HSD17B4: variants seen among roughly 807,000 people sequenced by gnomAD.
The protein encoded by HSD17B4 is hydroxysteroid 17-beta dehydrogenase 4, also known as peroxisomal multifunctional enzyme type 2.
HSD17B4 carries 70 observed loss-of-function variants against 101.0 expected under a neutral mutation model. That is an observed-to-expected ratio of 0.69 (90% confidence interval 0.57 to 0.85). The LOEUF is 0.85. HSD17B4 is among the 40% of genes least tolerant of loss of function. The pLI is 0.00. For missense variants in HSD17B4, 984 were observed against 892.4 expected (o/e 1.10, Z -1.31); for synonymous variants, 347 against 297.1 (o/e 1.17, Z -1.73).
rs138082120 is a variant in HSD17B4, at chr5:119,521,398, G to A, written c.1504-3818G>A. Among the ~76,000 whole-genome samples the A allele has an allele frequency of 3.9e-3, 588 of 152,120 alleles. 1 individual carries two copies. Among genetic ancestry groups the A allele is most frequent in the African/African-American group, 0.014 (561 of 41,518 alleles). On this transcript the variant is annotated intron_variant, in intron 17 of 23. Coordinates refer to ENST00000510025, the MANE Select transcript of HSD17B4 (RefSeq NM_000414.4). ...TCAGTCTTCCTTATATACCTGGTGG[G>A]CCTTTTTAATATGTATATTCATGTC...
chr5:119,453,387 G>A (rs1754277989), intron 1 of HSD17B4, among the ~76,000 whole-genome samples: 1 of 152,206 alleles, frequency 6.6e-6, no homozygotes, highest in South Asian at 2.1e-4. Context: ...CGGCAAAATG[G>A]AAAATTGTTA....
At chr5:119,523,233 A>G (rs1485930579) in intron 17 of HSD17B4, among the ~76,000 whole-genome samples, 2 of 152,148 alleles carry the variant, frequency 1.3e-5, no homozygotes, top group East Asian at 3.8e-4. Flanking sequence ...ATTTTAAAAA[A>G]TCAAATTAAG....
intron 2 of HSD17B4, among the ~76,000 whole-genome samples, chr5:119,465,756 G>C (rs1755744856): frequency 6.6e-6 from 1 of 152,296 alleles, no homozygotes; most frequent in South Asian, 2.1e-4. Flanking sequence ...ATGTAGGATT[G>C]TGTCATCTGT....
intron 16 of HSD17B4, among the ~76,000 whole-genome samples, chr5:119,514,218 T>TG (rs1752415706): frequency 6.6e-6 from 1 of 152,196 alleles, no homozygotes; most frequent in South Asian, 2.1e-4. Flanking sequence ...TTTTTATGTT[T>TG]TGGGTGTGGC....
intron 4 of HSD17B4, 98 bp from the exon 5 acceptor site, chr5:119,475,608 G>T: frequency 1.1e-6 from 1 of 936,910 alleles, no homozygotes; most frequent in Non-Finnish European, 1.7e-6. Context: ...ACTTTTTCAT[G>T]GTTAAAAAAC....
chr5:119,515,167 A>G (rs1167235466), intron 17 of HSD17B4, 121 bp downstream of exon 17: 1 of 674,914 alleles, frequency 1.5e-6, no homozygotes, highest in Non-Finnish European at 2.7e-6. Context: ...TTATTATTCA[A>G]CATAATAAAC....
chr5:119,497,842 G>A lies in HSD17B4; in HGVS notation c.972+1196G>A, dbSNP rs144100800. Among the ~76,000 whole-genome samples the A allele has an allele frequency of 3.5e-3, 537 of 152,068 alleles. 3 individuals are homozygous for A. The highest frequency in any genetic ancestry group is 0.012 in the African/African-American group (499 of 41,468). On this transcript the variant is annotated intron_variant, in intron 12 of 23. Coordinates refer to ENST00000510025, the MANE Select transcript of HSD17B4 (RefSeq NM_000414.4). ...TCTTTTTCAGTACCATTAGATTTCT[G>A]TATCTAACTGTATGACAAGTATCAT...
intron 17 of HSD17B4, among the ~76,000 whole-genome samples, chr5:119,521,601 C>A (rs1361169979): frequency 6.6e-6 from 1 of 151,490 alleles, no homozygotes; most frequent in East Asian, 1.9e-4. Flanking sequence ...TCATTTCTGC[C>A]CTTTCTGCCA....
chr5:119,493,676 G>C (rs2126757693), intron 10 of HSD17B4, 142 bp from the exon 11 acceptor site: 2 of 742,656 alleles, frequency 2.7e-6, no homozygotes, highest in Non-Finnish European at 4.5e-6. Context: ...TTCATTTTAA[G>C]GCTTATGGTA....
At chr5:119,472,947 T>A (rs1195171294) in intron 2 of HSD17B4, among the ~76,000 whole-genome samples, 1 of 152,264 alleles carries the variant, frequency 6.6e-6, no homozygotes, top group Non-Finnish European at 1.5e-5. Flanking sequence ...TATCACATAT[T>A]GCAGTATTTT....
intron 1 of HSD17B4, among the ~76,000 whole-genome samples, chr5:119,454,785 C>A (rs530588544): frequency 1.3e-5 from 2 of 152,096 alleles, no homozygotes; most frequent in East Asian, 3.9e-4. Flanking sequence ...CCAAGCCCAG[C>A]TGATTTTTGT....
chr5:119,506,331 G>A (rs1751650950), intron 14 of HSD17B4, among the ~76,000 whole-genome samples: 1 of 152,118 alleles, frequency 6.6e-6, no homozygotes, highest in Non-Finnish European at 1.5e-5. Context: ...CCATGTCCCT[G>A]CAAAGGACAT....
intron 17 of HSD17B4, among the ~76,000 whole-genome samples, chr5:119,524,716 A>G (rs1350612745): frequency 6.6e-6 from 1 of 152,130 alleles, no homozygotes; most frequent in African/African-American, 2.4e-5. Flanking sequence ...CAGTTCAGTC[A>G]GTTTTCTTGC....
At chr5:119,471,471 T>G (rs1756358498) in intron 2 of HSD17B4, among the ~76,000 whole-genome samples, 1 of 152,174 alleles carries the variant, frequency 6.6e-6, no homozygotes, top group Non-Finnish European at 1.5e-5. Flanking sequence ...ATCCCATTAC[T>G]TATTTATCCA....
chr5:119,526,985 A>C, intron 19 of HSD17B4, 148 bp from the exon 20 acceptor site: 1 of 626,542 alleles, frequency 1.6e-6, no homozygotes, highest in East Asian at 2.8e-5. Flanking sequence ...TTATCATATT[A>C]TACTTAGGTC....
At chr5:119,528,343 T>C (rs1444609779) in intron 20 of HSD17B4, among the ~76,000 whole-genome samples, 3 of 152,182 alleles carry the variant, frequency 2.0e-5, no homozygotes, top group African/African-American at 7.2e-5. Flanking sequence ...ACATGGTTGC[T>C]TTACTCCTAA....
intron 2 of HSD17B4, chr5:119,456,733 C>T (rs1754718988): frequency 4.1e-6 from 1 of 244,272 alleles, no homozygotes. Flanking sequence ...GGTGATGGCG[C>T]AAAAAAAACC....
chr5:119,464,743 C>T (rs1755643077), intron 2 of HSD17B4: 1 of 152,192 alleles, frequency 6.6e-6, no homozygotes, highest in African/African-American at 2.4e-5. Flanking sequence ...CAGGCACCCG[C>T]CACCACGCCC....
intron 2 of HSD17B4, among the ~76,000 whole-genome samples, chr5:119,472,079 T>C (rs1256118023): frequency 2.0e-5 from 3 of 152,244 alleles, no homozygotes; most frequent in African/African-American, 7.2e-5. Context: ...CATGGAGTTA[T>C]GGTATAAATT....
Sources: allele counts gnomAD v4.1 joint callset (sites outside exome capture counted in the v4.1 genomes callset), GRCh38; gene constraint gnomAD v4.1.1; transcripts MANE v1.5; gene names NCBI Gene and HGNC (gene_info 2026-07-23, HGNC 2026-07-21).